Variants in CSMD3 observed in about 807,000 individuals in gnomAD.
The protein encoded by CSMD3 is CUB and Sushi multiple domains 3.
CSMD3 carries 177 observed loss-of-function variants against 435.2 expected under a neutral mutation model. The ratio of observed to expected loss-of-function variants is 0.41; its 90% confidence interval spans 0.36 to 0.46. The LOEUF is 0.46. CSMD3 is among the 20% of genes least tolerant of loss of function. CSMD3 has a pLI of 0.34. For synonymous variants in CSMD3, 1,656 were observed against 1,520.5 expected (o/e 1.09, Z -2.07); for missense variants, 4,265 against 4,504.6 (o/e 0.95, Z 1.52).
At position 112,383,635 on chromosome 8, in the gene CSMD3, T is replaced by A; in HGVS notation, c.5963A>T (p.His1988Leu). The A allele has an allele frequency of 6.2e-7, 1 of 1,608,672 alleles. No homozygotes were observed. Among genetic ancestry groups the A allele is most frequent in the Non-Finnish European group, 8.5e-7 (1 of 1,175,170 alleles). ...ATAAAAGTCCAGAGAATCCCAATTA[T>A]GTTCTGTAGCAAAGCTAACAACTTG... The part of the protein sequence containing the change: ...QVQVVSFATE[H>L]NWDSLDFYDG... Residue 1988 changes from histidine (H) to leucine (L), a missense_variant, in exon 37 of 71, where the codon CAT becomes CTT. By Grantham distance (99) the His-to-Leu change is moderately conservative. Transcript: ENST00000297405.
chr8:112,788,273 A>T (rs540634550), intron 13 of CSMD3, among the ~76,000 whole-genome samples: 5 of 152,194 alleles, frequency 3.3e-5, no homozygotes, highest in Admixed American at 6.5e-5. Context: ...TTGTCATCAT[A>T]GCTATATACA....
intron 3 of CSMD3, among the ~76,000 whole-genome samples, chr8:113,205,040 G>A (rs1440560478): frequency 1.3e-5 from 2 of 151,688 alleles, no homozygotes; most frequent in African/African-American, 4.8e-5. Flanking sequence ...CTGGAGTGCA[G>A]TGGCGTGATT....
intron 63 of CSMD3, among the ~76,000 whole-genome samples, chr8:112,247,895 A>G (rs1211966675): frequency 1.3e-5 from 2 of 152,162 alleles, no homozygotes; most frequent in Non-Finnish European, 2.9e-5. Flanking sequence ...GGAAAAGATA[A>G]TAACATGATG....
chr8:112,991,728 T>G (rs1279161122), intron 6 of CSMD3, among the ~76,000 whole-genome samples: 1 of 151,870 alleles, frequency 6.6e-6, no homozygotes, highest in African/African-American at 2.4e-5. Context: ...AAAATATTAT[T>G]ATGTGATACT....
chr8:112,256,575 A>T (rs1477119430), intron 61 of CSMD3, among the ~76,000 whole-genome samples: 1 of 152,162 alleles, frequency 6.6e-6, no homozygotes, highest in African/African-American at 2.4e-5. Flanking sequence ...GAGCATGAAG[A>T]AGTGTAATGG....
intron 35 of CSMD3, among the ~76,000 whole-genome samples, chr8:112,405,453 ATATTTTCTATGTCTATGG>A (rs1831767309): frequency 2.0e-5 from 3 of 151,016 alleles, no homozygotes; most frequent in Non-Finnish European, 4.4e-5. Context: ...CCTACTTTCT[ATATTTTCTATGTCTATGG>A]AACTCTACAA....
intron 22 of CSMD3, among the ~76,000 whole-genome samples, chr8:112,594,566 G>A (rs964302156): frequency 1.3e-5 from 2 of 152,140 alleles, no homozygotes; most frequent in Admixed American, 1.3e-4. Flanking sequence ...CTGGGGGCAG[G>A]GCACAAACAA....
intron 22 of CSMD3, among the ~76,000 whole-genome samples, chr8:112,606,479 C>T (rs1832802808): frequency 6.6e-6 from 1 of 152,116 alleles, no homozygotes; most frequent in South Asian, 2.1e-4. Context: ...GCCTCCAGAA[C>T]CCCAGATCAT....
chr8:112,716,819 A>G (rs2076741066), intron 13 of CSMD3, among the ~76,000 whole-genome samples: 1 of 152,210 alleles, frequency 6.6e-6, no homozygotes, highest in African/African-American at 2.4e-5. Flanking sequence ...AAAGCAAGCA[A>G]TGGGTAAAGA....
chr8:112,915,566 C>T (rs1456925650), intron 10 of CSMD3, among the ~76,000 whole-genome samples: 1 of 151,672 alleles, frequency 6.6e-6, no homozygotes, highest in Non-Finnish European at 1.5e-5. Flanking sequence ...TCTAAAGATA[C>T]ATTGTTTAAA....
intron 13 of CSMD3, among the ~76,000 whole-genome samples, chr8:112,749,046 G>A (rs189996783): frequency 3.9e-5 from 6 of 152,112 alleles, no homozygotes; most frequent in Non-Finnish European, 7.4e-5. Flanking sequence ...ACTGGTGTGA[G>A]ATACTATCTC....
chr8:113,003,517 A>G (rs374097005), intron 6 of CSMD3, among the ~76,000 whole-genome samples: 22 of 152,024 alleles, frequency 1.4e-4, no homozygotes, highest in Non-Finnish European at 2.2e-4. Flanking sequence ...GGGAATGCAA[A>G]TAAGCTATTA....
At chr8:112,747,176 C>G (rs2077447308) in intron 13 of CSMD3, among the ~76,000 whole-genome samples, 1 of 72,394 alleles carries the variant, frequency 1.4e-5, no homozygotes, top group Non-Finnish European at 2.6e-5. Flanking sequence ...TTTGTCTGCA[C>G]ACTTCCCTTT....
intron 13 of CSMD3, among the ~76,000 whole-genome samples, chr8:112,768,724 C>A (rs1192737870): frequency 6.6e-6 from 1 of 151,800 alleles, no homozygotes; most frequent in Non-Finnish European, 1.5e-5. Context: ...CAAAACAAAA[C>A]AAAACAAAAC....
chr8:112,509,358 G>A (rs1822862427), intron 28 of CSMD3, among the ~76,000 whole-genome samples: 1 of 152,134 alleles, frequency 6.6e-6, no homozygotes, highest in South Asian at 2.1e-4. Context: ...CCAAAGTGCT[G>A]GGATTACAGG....
chr8:112,837,374 A>C (rs2080056784), intron 11 of CSMD3, among the ~76,000 whole-genome samples: 1 of 151,728 alleles, frequency 6.6e-6, no homozygotes. Context: ...ACCAATACCA[A>C]TACCAAGCTA....
intron 36 of CSMD3, among the ~76,000 whole-genome samples, chr8:112,384,907 G>C (rs529928364): frequency 6.6e-6 from 1 of 152,276 alleles, no homozygotes; most frequent in African/African-American, 2.4e-5. Flanking sequence ...ACTGCATTCA[G>C]CTTTTTAAAA....
intron 1 of CSMD3, among the ~76,000 whole-genome samples, chr8:113,412,040 T>C (rs2129805377): frequency 6.6e-6 from 1 of 152,228 alleles, no homozygotes; most frequent in East Asian, 1.9e-4. Context: ...AATGGGATGA[T>C]AATACATACA....
chr8:112,993,020 G>T (rs1262586229), intron 6 of CSMD3, among the ~76,000 whole-genome samples: 1 of 151,716 alleles, frequency 6.6e-6, no homozygotes, highest in African/African-American at 2.4e-5. Flanking sequence ...ATTTGAAAAG[G>T]CTGAAAAAGT....
Sources: allele counts gnomAD v4.1 joint callset (sites outside exome capture counted in the v4.1 genomes callset), GRCh38; gene constraint gnomAD v4.1.1; transcripts MANE v1.5; gene names NCBI Gene and HGNC (gene_info 2026-07-23, HGNC 2026-07-21).